The following ELP5 variants were observed in gnomAD, a reference collection of about 807,000 sequenced individuals.
The protein encoded by ELP5 is elongator acetyltransferase complex subunit 5, also known as elongator complex protein 5.
ELP5 carries 34 observed loss-of-function variants against 33.4 expected under a neutral mutation model. That is an observed-to-expected ratio of 1.02 (90% CI 0.78 to 1.36). The LOEUF (loss-of-function observed/expected upper bound fraction) is 1.36. ELP5 is among the 40% of genes most tolerant of loss of function. The pLI is 0.00. For synonymous variants in ELP5, 161 were observed against 146.4 expected (o/e 1.10, Z -0.72); for missense variants, 373 against 371.7 (o/e 1.00, Z -0.03).
chr17:7,252,614 G>C lies in ELP5; in HGVS notation c.46+18G>C. 1 of 1,609,652 alleles carries C rather than the reference G, an allele frequency of 6.2e-7. No homozygotes were observed. Among genetic ancestry groups the C allele is most frequent in the Non-Finnish European group, 8.5e-7 (1 of 1,178,410 alleles). ...GCTTCGGGGTGAGAGCCAGAGGCAC[G>C]GTGGCGGGGCGGGGGGTGCGGTTCG... is the stretch of plus-strand genomic sequence containing the variant. On this transcript the variant is annotated intron_variant, in intron 1 of 7. Transcript: ENST00000396628.
chr17:7,256,643 G>T (rs1334220626), intron 4 of ELP5, among the ~76,000 whole-genome samples: 1 of 152,236 alleles, frequency 6.6e-6, no homozygotes, highest in Non-Finnish European at 1.5e-5. Context: ...ATAGAAGTTA[G>T]AGCGGTGCCT....
chr17:7,254,573 C>T lies in ELP5; in HGVS notation c.189-10C>T. On this transcript the variant is annotated splice_polypyrimidine_tract_variant and intron_variant, in intron 3 of 7. Coordinates refer to ENST00000396628, the MANE Select transcript of ELP5 (RefSeq NM_203414.3). Reference sequence around the variant, plus strand: ...GCAATATTATATTGTGTCTTATTTTCCCTTTGCAGGCTGGTTTACCATGAC... The same window carrying T: ...GCAATATTATATTGTGTCTTATTTTTCCTTTGCAGGCTGGTTTACCATGAC... The T allele has an allele frequency of 6.3e-7, 1 of 1,599,294 alleles. No individual in the cohort carries two copies. The highest frequency in any genetic ancestry group is 8.6e-7 in the Non-Finnish European group (1 of 1,169,018).
In ELP5 at chr17:7,259,669, A is replaced by G. The variant is rs2143001840; in HGVS notation, c.887A>G (p.Asp296Gly). Reference protein sequence around the residue: ...YDDLDQEDPDDDLDI With the variant: ...YDDLDQEDPDGDLDI ...GACCTGGACCAAGAAGACCCAGATG[A>G]CGACCTGGATATTTGACTGGCCAGA... Residue 296 changes from aspartate (D) to glycine (G), a missense_variant, in exon 8 of 8, where the codon GAC becomes GGC. Coordinates refer to ENST00000396628, the MANE Select transcript of ELP5 (RefSeq NM_203414.3). The G allele has an allele frequency of 1.2e-6, 2 of 1,614,224 alleles. No homozygotes were observed. The highest frequency in any genetic ancestry group is 1.7e-6 in the Non-Finnish European group (2 of 1,180,028).
rs182625396 is a variant in ELP5 at position 7,256,794 on chromosome 17, G to C, written c.410-63G>C. 4,594 of 1,549,218 alleles carry C rather than the reference G, an allele frequency of 3.0e-3. 10 individuals are homozygous for C. Among genetic ancestry groups the C allele is most frequent in the Admixed American group, 3.6e-3 (216 of 59,244 alleles). ...ATTGTGAGGCTCTCTCTTCTTCACT[G>C]TTAGCTCCCAGGCCACCAACCTGAA... On this transcript the variant is annotated intron_variant, in intron 4 of 7. Coordinates refer to ENST00000396628, the MANE Select transcript of ELP5 (RefSeq NM_203414.3).
intron 2 of ELP5, 29 bp downstream of exon 2, chr17:7,252,859 T>C: frequency 6.2e-7 from 1 of 1,613,068 alleles, no homozygotes; most frequent in Non-Finnish European, 8.5e-7. Flanking sequence ...CTCCCCGGCC[T>C]ACCCTGGATA....
Position 7,252,431 on chromosome 17 carries a change from G to C in ELP5, c.-120G>C, listed in dbSNP as rs532742293. 145 of 1,462,006 alleles carry C rather than the reference G, an allele frequency of 9.9e-5. No homozygotes were observed. Among genetic ancestry groups the C allele is most frequent in the Non-Finnish European group, 1.3e-4 (139 of 1,054,906 alleles). 90.6% of individuals were successfully genotyped at this position (1,462,006 alleles called of 1,614,324 possible). ...ATAATCACCTCTCATTCCAGACTATGTTAGGTCTTAATGGTGGGAGGACGC... is the reference window on the plus strand; with the variant it reads ...ATAATCACCTCTCATTCCAGACTATCTTAGGTCTTAATGGTGGGAGGACGC... On this transcript the variant is annotated 5_prime_UTR_variant, in exon 1 of 8. It removes an upstream start codon present in the reference 5' UTR. Transcript: ENST00000396628.
intron 5 of ELP5, among the ~76,000 whole-genome samples, chr17:7,257,287 T>C (rs945779916): frequency 2.6e-5 from 4 of 152,118 alleles, no homozygotes; most frequent in African/African-American, 9.6e-5. Flanking sequence ...GAGACCTTTT[T>C]TTAAAAAAAG....
At chr17:7,255,917 G>A (rs2143000885) in intron 4 of ELP5, among the ~76,000 whole-genome samples, 1 of 152,016 alleles carries the variant, frequency 6.6e-6, no homozygotes, top group South Asian at 2.1e-4. Context: ...TTAGCTGGGT[G>A]TGGTGGTGCA....
At chr17:7,259,180 G>A in intron 7 of ELP5, 1 of 1,399,922 alleles carries the variant, frequency 7.1e-7, no homozygotes, top group South Asian at 1.5e-5. Context: ...GGCTGAGCCA[G>A]ACCAGACCCT....
upstream of ELP5, chr17:7,251,877 T>A (rs894175223): frequency 6.5e-6 from 1 of 154,568 alleles, no homozygotes; most frequent in African/African-American, 2.4e-5. Context: ...GGCCTCCCCC[T>A]CCCCGAGCTC....
rs1597588848 is a variant in ELP5, at chr17:7,259,773, A to C, written c.*88A>C. The C allele has an allele frequency of 6.5e-7, 1 of 1,547,046 alleles. No homozygotes were observed. The highest frequency in any genetic ancestry group is 8.7e-7 in the Non-Finnish European group (1 of 1,147,192). On this transcript the variant is annotated 3_prime_UTR_variant, in exon 8 of 8. Coordinates refer to ENST00000396628, the MANE Select transcript of ELP5 (RefSeq NM_203414.3). ...TCTTTCTATTGTTTGTGTTAGCCTT[A>C]CCCTGTCCCTGCCCCACCTTGGTTC...
At chr17:7,258,567 T>C (rs1488831647) in intron 5 of ELP5, 21 bp from the exon 6 acceptor site, 7 of 1,611,012 alleles carry the variant, frequency 4.3e-6, no homozygotes, top group Non-Finnish European at 5.9e-6. Context: ...TGAAAAAAAC[T>C]CTTTTCTTTT....
intron 4 of ELP5, 75 bp downstream of exon 4, chr17:7,254,878 C>T (rs1469011370): frequency 7.7e-7 from 1 of 1,292,842 alleles, no homozygotes; most frequent in South Asian, 1.2e-5. Flanking sequence ...CCTTTCTACC[C>T]TAGAATAAAC....
intron 3 of ELP5, among the ~76,000 whole-genome samples, 164 bp from the exon 4 acceptor site, chr17:7,254,419 C>T (rs2072024430): frequency 1.3e-5 from 2 of 152,176 alleles, no homozygotes; most frequent in African/African-American, 4.8e-5. Flanking sequence ...ACACCAAAGT[C>T]TGTGCTCTCA....
chr17:7,258,886 A>G lies in ELP5; in HGVS notation c.748A>G (p.Arg250Gly), dbSNP rs752601970. The change falls in exon 7 of 8, where the codon AGA becomes GGA. Residue 250 changes from arginine (R) to glycine (G), a missense_variant. By Grantham distance (125) the Arg-to-Gly change is moderately radical (BLOSUM62 -2). Transcript: ENST00000396628. The stretch of plus-strand genomic sequence containing the variant: ...CCTGTCCAAGAAAGAGAGAGAAGCC[A>G]GAGATAGCCTGATCCTGCCCTTCCA... Reference protein sequence around the residue: ...LHLSKKEREARDSLILPFQFS... With the variant: ...LHLSKKEREAGDSLILPFQFS... 1.9e-6 allele frequency: 3 copies of G among 1,614,154 alleles called. No individual in the cohort carries two copies. The highest frequency in any genetic ancestry group is 1.7e-6 in the Non-Finnish European group (2 of 1,180,006).
chr17:7,257,684 G>A (rs1022723058), intron 5 of ELP5, among the ~76,000 whole-genome samples: 2 of 152,088 alleles, frequency 1.3e-5, no homozygotes, highest in African/African-American at 4.8e-5. Context: ...CCATCCTCTG[G>A]CCTTGGTCTC....
upstream of ELP5, chr17:7,252,136 G>A: frequency 5.7e-6 from 2 of 349,672 alleles, no homozygotes; most frequent in East Asian, 8.0e-5. Context: ...TATTGCGCAC[G>A]CGCAGAAGGT....
In ELP5 at chr17:7,257,035, C is replaced by T; in HGVS notation, c.588C>T (p.Asp196=). Residue 196 remains aspartate (D), a synonymous_variant, in exon 5 of 8, where the codon GAC becomes GAT. Coordinates refer to ENST00000396628, the MANE Select transcript of ELP5 (RefSeq NM_203414.3). ...LCRRPRQRPT[D]QTQWFSILPD... Reference sequence around the variant, plus strand: ...GGAGGCCCCGACAGCGCCCAACTGACCAGGTCAGAAGAACCAACAGAGAAG... The same window carrying T: ...GGAGGCCCCGACAGCGCCCAACTGATCAGGTCAGAAGAACCAACAGAGAAG... The T allele has an allele frequency of 6.3e-7, 1 of 1,581,664 alleles. No homozygotes were observed. Among genetic ancestry groups the T allele is most frequent in the South Asian group, 1.1e-5 (1 of 87,748 alleles).
intron 7 of ELP5, 102 bp downstream of exon 7, chr17:7,259,028 G>A: frequency 2.6e-6 from 4 of 1,537,314 alleles, no homozygotes; most frequent in Non-Finnish European, 3.5e-6. Flanking sequence ...ACTTTATAGG[G>A]ACTGAAGTCC....
Sources: allele counts gnomAD v4.1 joint callset (sites outside exome capture counted in the v4.1 genomes callset), GRCh38; gene constraint gnomAD v4.1.1; transcripts MANE v1.5; gene names NCBI Gene and HGNC (gene_info 2026-07-23, HGNC 2026-07-21).